The following CCDC91 variants were observed in gnomAD, a reference collection of about 807,000 sequenced individuals.
CCDC91 encodes coiled-coil domain-containing protein 91.
In CCDC91, 48 loss-of-function variants were observed where a neutral mutation model predicts 63.2. The observed-to-expected ratio is 0.76, with a 90% CI of 0.60 to 0.97. The LOEUF is 0.97. Ranked by LOEUF, CCDC91 falls within the 50% of genes least tolerant of loss-of-function variation. The pLI is 0.00. For synonymous variants in CCDC91, 167 were observed against 165.8 expected (o/e 1.01, Z -0.06); for missense variants, 500 against 494.6 (o/e 1.01, Z -0.10).
chr12:28,192,333 AGTAGAAGACG>A (rs1315386034), intron 1 of CCDC91, among the ~76,000 whole-genome samples: 1 of 152,222 alleles, frequency 6.6e-6, no homozygotes, highest in African/African-American at 2.4e-5. Flanking sequence ...GAATGAAGAT[AGTAGAAGACG>A]GAGTGGGAGT....
chr12:28,519,395 G>A (rs559106217), intron 12 of CCDC91, among the ~76,000 whole-genome samples: 103 of 151,814 alleles, frequency 6.8e-4, no homozygotes, highest in African/African-American at 2.3e-3. Flanking sequence ...AAGAGCTACT[G>A]GTTTGTGTAT....
Position 28,486,144 on chromosome 12 carries a change from C to G in CCDC91, c.1215+1979C>G, listed in dbSNP as rs1228980029. On this transcript the variant is annotated intron_variant, in intron 12 of 12. Transcript: ENST00000536442. ...TTGTTTGGGTATTTCCTGTTTCTCT[C>G]TAACCCAATCCCCTGGTATCCACCA... Among the ~76,000 whole-genome samples, 4 of 152,246 alleles carry G rather than the reference C, an allele frequency of 2.6e-5. No individual in the cohort carries two copies. The East Asian group carries it at 7.7e-4, about 29-fold the overall frequency.
chr12:28,520,900 C>G (rs536180312), intron 12 of CCDC91, among the ~76,000 whole-genome samples: 127 of 152,146 alleles, frequency 8.3e-4, no homozygotes, highest in African/African-American at 3.0e-3. Flanking sequence ...GGTATTATTT[C>G]TGAGTGCTCT....
At chr12:28,471,750 TTC>T (rs1338879470) in intron 11 of CCDC91, among the ~76,000 whole-genome samples, 5 of 140,342 alleles carry the variant, frequency 3.6e-5, no homozygotes, top group South Asian at 2.2e-4. Context: ...TTTGTTTATT[TTC>T]TCTCTCTTTT....
chr12:28,228,119 C>T (rs1388629234), intron 1 of CCDC91, among the ~76,000 whole-genome samples: 1 of 151,970 alleles, frequency 6.6e-6, no homozygotes, highest in Non-Finnish European at 1.5e-5. Context: ...AGTTATTCTC[C>T]CACCATAGGT....
At chr12:28,358,043 T>C (rs527350273) in intron 6 of CCDC91, among the ~76,000 whole-genome samples, 1 of 152,296 alleles carries the variant, frequency 6.6e-6, no homozygotes, top group South Asian at 2.1e-4. Context: ...TTGCCATTAG[T>C]AACTTTGAAG....
chr12:28,353,767 A>C (rs1182616803), intron 6 of CCDC91, among the ~76,000 whole-genome samples: 2 of 152,210 alleles, frequency 1.3e-5, no homozygotes, highest in African/African-American at 4.8e-5. Context: ...TAGATGAACT[A>C]ATAATGAAAA....
intron 8 of CCDC91, among the ~76,000 whole-genome samples, chr12:28,437,025 G>A (rs1948946534): frequency 6.6e-6 from 1 of 150,762 alleles, no homozygotes. Flanking sequence ...TCTTTTCCTT[G>A]TAGGTCACTC....
chr12:28,275,612 C>T (rs1592174419), intron 3 of CCDC91, among the ~76,000 whole-genome samples: 1 of 152,282 alleles, frequency 6.6e-6, no homozygotes, highest in South Asian at 2.1e-4. Flanking sequence ...TCCTCCCTAA[C>T]TCATTATATG....
chr12:28,224,651 A>C (rs1944158719), intron 1 of CCDC91, among the ~76,000 whole-genome samples: 1 of 152,220 alleles, frequency 6.6e-6, no homozygotes, highest in South Asian at 2.1e-4. Flanking sequence ...ATCTGTAGGT[A>C]CACTGAAATC....
At chr12:28,396,567 T>C (rs1946297271) in intron 8 of CCDC91, among the ~76,000 whole-genome samples, 1 of 151,228 alleles carries the variant, frequency 6.6e-6, no homozygotes, top group Non-Finnish European at 1.5e-5. Context: ...TGGTTTTGAG[T>C]GATATTAAGG....
chr12:28,508,407 A>G (rs1233160064), intron 12 of CCDC91, among the ~76,000 whole-genome samples: 1 of 151,740 alleles, frequency 6.6e-6, no homozygotes, highest in African/African-American at 2.4e-5. Context: ...ACAGACCTGT[A>G]TCCATGGGAC....
intron 6 of CCDC91, among the ~76,000 whole-genome samples, chr12:28,313,554 G>T (rs1317097825): frequency 1.3e-5 from 2 of 151,982 alleles, no homozygotes; most frequent in Non-Finnish European, 2.9e-5. Flanking sequence ...TGGAATGTTT[G>T]TAAAACCTTT....
At chr12:28,373,055 C>T (rs1282651323) in intron 7 of CCDC91, among the ~76,000 whole-genome samples, 1 of 152,040 alleles carries the variant, frequency 6.6e-6, no homozygotes, top group Non-Finnish European at 1.5e-5. Flanking sequence ...GTTGTATCTC[C>T]TAACAATTAA....
intron 8 of CCDC91, among the ~76,000 whole-genome samples, chr12:28,439,733 C>CTTTTTTTTTTT (rs71438747): frequency 7.5e-6 from 1 of 133,036 alleles, no homozygotes; most frequent in Non-Finnish European, 1.6e-5. Context: ...TTTCTTTTTT[C>CTTTTTTTTTTT]TTTTTTTTTT....
chr12:28,206,389 G>A (rs1282879837), intron 1 of CCDC91, among the ~76,000 whole-genome samples: 1 of 152,098 alleles, frequency 6.6e-6, no homozygotes. Context: ...TTCAGCTCTT[G>A]TCATTCCACT....
chr12:28,478,567 T>C (rs893895042), intron 11 of CCDC91, among the ~76,000 whole-genome samples: 1 of 151,948 alleles, frequency 6.6e-6, no homozygotes, highest in African/African-American at 2.4e-5. Flanking sequence ...GACTTCATAT[T>C]TAAAACACCG....
chr12:28,519,325 G>C (rs1028405685), intron 12 of CCDC91, among the ~76,000 whole-genome samples: 69 of 119,906 alleles, frequency 5.8e-4, no homozygotes, highest in African/African-American at 1.9e-3. Flanking sequence ...TTTGTTTGCA[G>C]CTATTATAAA....
chr12:28,315,718 T>C (rs1182423656), intron 6 of CCDC91, among the ~76,000 whole-genome samples: 1 of 151,926 alleles, frequency 6.6e-6, no homozygotes, highest in Non-Finnish European at 1.5e-5. Flanking sequence ...AAACTGCATA[T>C]AGTAAATAAA....
Sources: allele counts gnomAD v4.1 joint callset (sites outside exome capture counted in the v4.1 genomes callset), GRCh38; gene constraint gnomAD v4.1.1; transcripts MANE v1.5; gene names NCBI Gene and HGNC (gene_info 2026-07-23, HGNC 2026-07-21).